DENND2A: variants seen among roughly 807,000 people sequenced by gnomAD.
The protein encoded by DENND2A is DENN domain containing 2A, also known as DENN domain-containing protein 2A.
Under a neutral mutation model 105.3 loss-of-function variants are expected in DENND2A, and 53 were observed. That is an observed-to-expected ratio of 0.50 (90% CI 0.40 to 0.63). The LOEUF is 0.63. Among genes scored for constraint, DENND2A ranks in the 30% least tolerant of loss-of-function variants. The pLI is 0.00. For missense variants in DENND2A, 1,138 were observed against 1,279.6 expected, an observed-to-expected ratio of 0.89 and a Z score of 1.69; for synonymous variants, 522 against 508.4, an observed-to-expected ratio of 1.03 and a Z score of -0.36.
At chr7:140,571,014 C>G (rs1014614873) in intron 6 of DENND2A, among the ~76,000 whole-genome samples, 1 of 152,194 alleles carries the variant, frequency 6.6e-6, no homozygotes, top group African/African-American at 2.4e-5. Context: ...CGTGGAGGAA[C>G]TCTAAAATTA....
intron 18 of DENND2A, 51 bp downstream of exon 18, chr7:140,521,804 A>T (rs760900343): frequency 5.0e-6 from 8 of 1,603,818 alleles, no homozygotes; most frequent in Non-Finnish European, 6.8e-6. Context: ...AGCCGCCTGG[A>T]ATATAGGGAG....
intron 5 of DENND2A, among the ~76,000 whole-genome samples, chr7:140,575,992 A>G (rs1798285154): frequency 6.6e-6 from 1 of 151,474 alleles, no homozygotes; most frequent in African/African-American, 2.4e-5. Context: ...TAAATAAACA[A>G]AAAACTTAAT....
intron 14 of DENND2A, among the ~76,000 whole-genome samples, chr7:140,530,824 G>A (rs907120741): frequency 2.0e-5 from 3 of 152,014 alleles, no homozygotes; most frequent in South Asian, 2.1e-4. Context: ...TCCACCTCCC[G>A]TGTTCAAGTG....
At position 140,588,515 on chromosome 7, in the gene DENND2A, T is replaced by C. The variant is rs187338378; in HGVS notation, c.996-735A>G. On this transcript the variant is annotated intron_variant, in intron 3 of 19. Coordinates refer to ENST00000496613, the MANE Select transcript of DENND2A (RefSeq NM_015689.5). ...GGATATGGAACAGTCCTTATTATAG[T>C]ACAGATAGTCCCTGACTGTCTTATT... 2.0e-5 allele frequency among the ~76,000 whole-genome samples: 3 copies of C among 152,272 alleles called. No homozygotes were observed. In the East Asian group the frequency reaches 5.8e-4, roughly 29 times the overall value.
At chr7:140,636,682 GC>G (rs1194913347) in intron 1 of DENND2A, among the ~76,000 whole-genome samples, 4 of 134,626 alleles carry the variant, frequency 3.0e-5, no homozygotes, top group African/African-American at 1.1e-4. Flanking sequence ...TCCCTCCCCA[GC>G]CTTTTTTTTT....
intron 6 of DENND2A, among the ~76,000 whole-genome samples, chr7:140,573,030 C>T (rs1030045372): frequency 6.6e-6 from 1 of 152,190 alleles, no homozygotes; most frequent in African/African-American, 2.4e-5. Context: ...TGTTTAACCC[C>T]TATCTTCCTG....
rs529314573 is a variant in DENND2A at position 140,607,582 on chromosome 7, C to T, written c.-247-1776G>A. On this transcript the variant is annotated intron_variant, in intron 1 of 19. Transcript: ENST00000496613. ...AGCCAGGCCCCAGGGCTTGCCCATC[C>T]CGTCATGCAGGGTAGCCCTGAAAGG... Among the ~76,000 whole-genome samples the T allele has an allele frequency of 3.9e-5, 6 of 152,268 alleles. 1 individual carries two copies. The highest frequency in any genetic ancestry group is 2.6e-4 in the Admixed American group (4 of 15,304).
intron 1 of DENND2A, among the ~76,000 whole-genome samples, chr7:140,624,991 G>A (rs1800463530): frequency 6.6e-6 from 1 of 151,382 alleles, no homozygotes; most frequent in Non-Finnish European, 1.5e-5. Context: ...CCAAGTAGCT[G>A]GAATGACAGG....
intron 12 of DENND2A, among the ~76,000 whole-genome samples, chr7:140,554,086 T>A (rs1320296715): frequency 6.6e-6 from 1 of 151,222 alleles, no homozygotes; most frequent in African/African-American, 2.4e-5. Context: ...ATTAGCCGGG[T>A]GTGGTGGCAT....
intron 3 of DENND2A, 123 bp downstream of exon 3, chr7:140,601,280 G>A (rs1799473408): frequency 1.5e-6 from 2 of 1,314,672 alleles, no homozygotes; most frequent in East Asian, 2.4e-5. Context: ...TGAACCATCT[G>A]GACTACAAGA....
intron 1 of DENND2A, among the ~76,000 whole-genome samples, chr7:140,607,352 C>T (rs1433195518): frequency 3.6e-4 from 54 of 152,106 alleles, no homozygotes; most frequent in Non-Finnish European, 5.9e-5. Flanking sequence ...ACATGGGTAA[C>T]AAATGAACAA....
At chr7:140,641,130 G>C (rs1205216365), upstream of DENND2A, among the ~76,000 whole-genome samples, 1 of 152,190 alleles carries the variant, frequency 6.6e-6, no homozygotes, top group Non-Finnish European at 1.5e-5. Context: ...CCGCGTGCCC[G>C]GCCCCGCTTA....
At chr7:140,572,558 C>A (rs578135608) in intron 6 of DENND2A, among the ~76,000 whole-genome samples, 1 of 151,290 alleles carries the variant, frequency 6.6e-6, no homozygotes, top group Non-Finnish European at 1.5e-5. Flanking sequence ...GTCAGCAGTT[C>A]GAGACCAGCC....
chr7:140,608,108 A>G (rs1301570320), intron 1 of DENND2A, among the ~76,000 whole-genome samples: 1 of 152,204 alleles, frequency 6.6e-6, no homozygotes, highest in Non-Finnish European at 1.5e-5. Context: ...TGGAGGTCAA[A>G]GATCACAAAA....
chr7:140,580,324 T>A (rs1038420839), intron 5 of DENND2A, among the ~76,000 whole-genome samples: 2 of 152,122 alleles, frequency 1.3e-5, no homozygotes, highest in Non-Finnish European at 2.9e-5. Context: ...CATGTATGCA[T>A]GTATGTATGT....
intron 1 of DENND2A, among the ~76,000 whole-genome samples, chr7:140,639,089 A>C (rs1801073845): frequency 6.6e-6 from 1 of 151,024 alleles, no homozygotes; most frequent in Non-Finnish European, 1.5e-5. Flanking sequence ...CAGTGGCTCA[A>C]GCCTGTAATC....
chr7:140,573,142 G>A (rs927600694), intron 6 of DENND2A, among the ~76,000 whole-genome samples: 2 of 152,072 alleles, frequency 1.3e-5, no homozygotes, highest in South Asian at 4.2e-4. Context: ...GGGCTCCCAC[G>A]TACTTGTAAA....
chr7:140,563,592 T>A (rs1339995017), intron 9 of DENND2A, among the ~76,000 whole-genome samples: 2 of 147,714 alleles, frequency 1.4e-5, no homozygotes, highest in African/African-American at 5.1e-5. Flanking sequence ...AGGGCCTTTC[T>A]ACAGAGGGAG....
At chr7:140,623,455 T>C (rs191027407) in intron 1 of DENND2A, among the ~76,000 whole-genome samples, 22 of 150,694 alleles carry the variant, frequency 1.5e-4, no homozygotes, top group Admixed American at 1.5e-3. Context: ...GAGGGCTGGG[T>C]GCGGTGGTTC....
Sources: allele counts gnomAD v4.1 joint callset (sites outside exome capture counted in the v4.1 genomes callset), GRCh38; gene constraint gnomAD v4.1.1; transcripts MANE v1.5; gene names NCBI Gene and HGNC (gene_info 2026-07-23, HGNC 2026-07-21).